The following TMEM272 variants were observed in gnomAD, a reference collection of about 807,000 sequenced individuals.
TMEM272 encodes the protein transmembrane protein 272.
In TMEM272, 8 loss-of-function variants were observed where a neutral mutation model predicts 3.7. The observed-to-expected ratio is 2.17, with a 90% CI of 1.27 to 3.91. TMEM272 has a LOEUF of 3.91. TMEM272 is among the 30% of genes most tolerant of loss of function. The pLI is 0.00. For missense variants in TMEM272, 166 were observed against 91.5 expected, an observed-to-expected ratio of 1.81 and a Z score of -3.32; for synonymous variants, 63 against 39.8, an observed-to-expected ratio of 1.58 and a Z score of -2.20.
the TMEM272 span, chr13:51,910,342 CAAG>C: frequency 7.9e-7 from 1 of 1,259,084 alleles, no homozygotes; most frequent in Non-Finnish European, 1.2e-6. Flanking sequence ...CTAAATTTTT[CAAG>C]TAGTCTACAT....
intron 3 of TMEM272, among the ~76,000 whole-genome samples, chr13:51,826,293 G>A (rs1593592760): frequency 6.6e-6 from 1 of 152,166 alleles, no homozygotes; most frequent in African/African-American, 2.4e-5. Flanking sequence ...AACTTGGGCT[G>A]GAGGGATCAG....
At chr13:51,828,687 C>T (rs1405393870) in intron 2 of TMEM272, among the ~76,000 whole-genome samples, 1 of 152,164 alleles carries the variant, frequency 6.6e-6, no homozygotes, top group African/African-American at 2.4e-5. Flanking sequence ...CTCTCGAAAT[C>T]GTGTATTGTA....
chr13:51,874,804 G>T, the TMEM272 span, among the ~76,000 whole-genome samples: 1 of 152,204 alleles, frequency 6.6e-6, no homozygotes, highest in Non-Finnish European at 1.5e-5. Context: ...CCAGCCAGAA[G>T]CGCTGGTTTT....
chr13:51,865,756 C>T, the TMEM272 span: 5 of 1,614,082 alleles, frequency 3.1e-6, no homozygotes, highest in Non-Finnish European at 4.2e-6. Context: ...AAAAGTACCG[C>T]ACTTTCTGGA....
the TMEM272 span, chr13:51,909,375 T>A: frequency 1.1e-6 from 1 of 869,790 alleles, no homozygotes; most frequent in South Asian, 1.3e-5. Flanking sequence ...GCTGATCATT[T>A]CGTCTACTTT....
At chr13:51,893,481 C>A in the TMEM272 span, among the ~76,000 whole-genome samples, 1 of 152,194 alleles carries the variant, frequency 6.6e-6, no homozygotes, top group South Asian at 2.1e-4. Context: ...TTCAGAATCA[C>A]TGTGGTCCTG....
intron 2 of TMEM272, among the ~76,000 whole-genome samples, chr13:51,833,396 A>C (rs1956188899): frequency 6.6e-6 from 1 of 152,072 alleles, no homozygotes; most frequent in African/African-American, 2.4e-5. Flanking sequence ...TAATAATCAA[A>C]GCTGAACCTT....
the TMEM272 span, among the ~76,000 whole-genome samples, chr13:51,852,748 G>A: frequency 8.6e-5 from 13 of 151,602 alleles, no homozygotes; most frequent in South Asian, 2.1e-4. Context: ...GCGTGGTGGC[G>A]GGCTTCTGTA....
At chr13:51,903,142 G>A in the TMEM272 span, among the ~76,000 whole-genome samples, 1 of 152,212 alleles carries the variant, frequency 6.6e-6, no homozygotes, top group South Asian at 2.1e-4. Flanking sequence ...CATTTCTTTT[G>A]AAGGTCTCAC....
chr13:51,853,024 G>A, the TMEM272 span, among the ~76,000 whole-genome samples: 1 of 152,028 alleles, frequency 6.6e-6, no homozygotes, highest in Non-Finnish European at 1.5e-5. Flanking sequence ...AGAAACAATA[G>A]CATAGTCAAT....
the TMEM272 span, among the ~76,000 whole-genome samples, chr13:51,900,192 A>C: frequency 3.9e-5 from 6 of 152,246 alleles, no homozygotes; most frequent in Admixed American, 3.9e-4. Flanking sequence ...CACATAATCA[A>C]GAAAGTGAAA....
chr13:51,832,375 T>C (rs1414593197), intron 2 of TMEM272, among the ~76,000 whole-genome samples: 2 of 152,208 alleles, frequency 1.3e-5, no homozygotes, highest in East Asian at 1.9e-4. Context: ...TTCCTATGAA[T>C]AGCAAGTATT....
the TMEM272 span, among the ~76,000 whole-genome samples, chr13:51,869,956 G>C: frequency 3.9e-5 from 6 of 152,194 alleles, no homozygotes; most frequent in South Asian, 1.2e-3. Context: ...GAAGTAGAGG[G>C]GACGGAGAAG....
the TMEM272 span, among the ~76,000 whole-genome samples, chr13:51,852,752 T>G: frequency 1.3e-5 from 2 of 151,262 alleles, no homozygotes; most frequent in Non-Finnish European, 3.0e-5. Context: ...GGTGGCGGGC[T>G]TCTGTAATCC....
At chr13:51,900,214 A>T in the TMEM272 span, among the ~76,000 whole-genome samples, 4 of 152,238 alleles carry the variant, frequency 2.6e-5, no homozygotes, top group African/African-American at 7.2e-5. Flanking sequence ...GACAGCCACA[A>T]AATGGGAGAA....
the TMEM272 span, chr13:51,909,505 C>T: frequency 1.0e-6 from 1 of 993,202 alleles, no homozygotes; most frequent in Admixed American, 1.8e-5. Flanking sequence ...CTGATTCTCA[C>T]TTTCAAAATG....
chr13:51,870,658 C>T, the TMEM272 span, among the ~76,000 whole-genome samples: 80 of 152,288 alleles, frequency 5.3e-4, no homozygotes, highest in African/African-American at 1.5e-3. Context: ...TGAGTGGAAA[C>T]GGAATTAGCA....
At chr13:51,876,110 T>C in the TMEM272 span, among the ~76,000 whole-genome samples, 5 of 152,228 alleles carry the variant, frequency 3.3e-5, no homozygotes, top group Admixed American at 3.3e-4. Flanking sequence ...GCAGCTCTCC[T>C]GGGGGTGTTC....
At chr13:51,904,100 G>C in the TMEM272 span, among the ~76,000 whole-genome samples, 12 of 152,134 alleles carry the variant, frequency 7.9e-5, no homozygotes, top group African/African-American at 2.7e-4. Context: ...CTAGGCATGA[G>C]GTGGTTTTCT....
Sources: allele counts gnomAD v4.1 joint callset (sites outside exome capture counted in the v4.1 genomes callset), GRCh38; gene constraint gnomAD v4.1.1; transcripts MANE v1.5; gene names NCBI Gene and HGNC (gene_info 2026-07-23, HGNC 2026-07-21).